Variants in MATK observed in about 807,000 individuals in gnomAD.
MATK encodes the protein megakaryocyte-associated tyrosine kinase.
A neutral mutation model predicts 59.8 loss-of-function variants in MATK; 41 were observed. The ratio of observed to expected loss-of-function variants is 0.69; its 90% confidence interval spans 0.53 to 0.89. The LOEUF (loss-of-function observed/expected upper bound fraction) is 0.89. Among genes scored for constraint, MATK ranks in the 40% least tolerant of loss-of-function variants. MATK has a pLI of 0.00. For missense variants in MATK, 593 were observed against 719.6 expected (o/e 0.82, Z 2.01); for synonymous variants, 308 against 306.1 (o/e 1.01, Z -0.06).
At position 3,779,085 on chromosome 19, in the gene MATK, G is replaced by A. The variant is rs757000023; in HGVS notation, c.1104C>T (p.Val368=). The A allele has an allele frequency of 3.1e-6, 5 of 1,609,722 alleles. No homozygotes were observed. In the Admixed American group the frequency reaches 5.0e-5, roughly 16 times the overall value. Residue 368 remains valine (V), a synonymous_variant, in exon 12 of 14, where the codon GTC becomes GTT. Transcript: ENST00000310132. Reference sequence around the variant, plus strand: ...CGGCTTTGGCCAGGCCAAAGTCGCTGACCTTGGCCACCAGGTCCTCTGAGA... The same window carrying A: ...CGGCTTTGGCCAGGCCAAAGTCGCTAACCTTGGCCACCAGGTCCTCTGAGA... The part of the protein sequence containing the change: ...ILVSEDLVAK[V]SDFGLAKAER...
At chr19:3,785,546 G>T (rs1196235163) in intron 1 of MATK, 1 of 284,446 alleles carries the variant, frequency 3.5e-6, no homozygotes, top group Non-Finnish European at 6.9e-6. Flanking sequence ...GGGCGGTGCT[G>T]GGGGGTGAGT....
At chr19:3,801,181 T>G (rs1211205341) in intron 1 of MATK, among the ~76,000 whole-genome samples, 1 of 152,078 alleles carries the variant, frequency 6.6e-6, no homozygotes, top group African/African-American at 2.4e-5. Context: ...GGAGTGACCG[T>G]TTTCTACCCA....
chr19:3,779,284 C>G, intron 11 of MATK, 94 bp downstream of exon 11: 1 of 1,559,344 alleles, frequency 6.4e-7, no homozygotes. Context: ...GCTCACAAAG[C>G]CTCCCTGCCC....
chr19:3,784,073 G>T (rs999126481), intron 5 of MATK, 40 bp from the exon 6 acceptor site: 16 of 1,581,896 alleles, frequency 1.0e-5, no homozygotes, highest in Admixed American at 1.7e-5. Context: ...GGGCTGTGGA[G>T]GGGGGGTCAC....
intron 6 of MATK, 84 bp downstream of exon 6, chr19:3,783,730 C>T (rs2037433745): frequency 4.6e-6 from 6 of 1,306,234 alleles, no homozygotes; most frequent in South Asian, 2.7e-5. Flanking sequence ...GGTGACCCGC[C>T]CCTCTATCTC....
rs1238686550 is a variant in MATK, at chr19:3,779,196, A to C, written c.1002-9T>G. 1 of 1,574,006 alleles carries C rather than the reference A, an allele frequency of 6.4e-7. No homozygotes were observed. The highest frequency in any genetic ancestry group is 1.8e-5 in the Admixed American group (1 of 56,370). On this transcript the variant is annotated splice_polypyrimidine_tract_variant and intron_variant, in intron 11 of 13. Transcript: ENST00000310132. ...TGCCCTCGGCCACGTGCCTGGGGGT[A>C]GTAGGGGGCAGTGGGGGCTCAGGTG...
chr19:3,784,918 G>A (rs1190674173), intron 2 of MATK, 34 bp from the exon 3 acceptor site: 7 of 1,468,430 alleles, frequency 4.8e-6, no homozygotes, highest in Non-Finnish European at 6.5e-6. Context: ...TGGGAGCTGG[G>A]CTGGGACCCA....
chr19:3,791,936 C>T lies in MATK; in HGVS notation c.-57-2532G>A, dbSNP rs185633221. Reference sequence around the variant, plus strand: ...CAGCCTGGCCAACATGGCAAAACCCCGTCTCTACTAAAAATACAAAAATTA... The same window carrying T: ...CAGCCTGGCCAACATGGCAAAACCCTGTCTCTACTAAAAATACAAAAATTA... On this transcript the variant is annotated intron_variant, in intron 1 of 13. Coordinates refer to the MATK transcript ENST00000395045. Among the ~76,000 whole-genome samples, 578 of 152,090 alleles carry T rather than the reference C, an allele frequency of 3.8e-3. 15 individuals carry two copies. The highest frequency in any genetic ancestry group is 0.035 in the Admixed American group (532 of 15,264).
chr19:3,778,915 C>A, intron 12 of MATK, 77 bp downstream of exon 12: 1 of 1,416,214 alleles, frequency 7.1e-7, no homozygotes, highest in Non-Finnish European at 9.4e-7. Context: ...TCAGAGAGGC[C>A]AAGGGACATA....
chr19:3,782,075 C>G (rs2037409572), intron 7 of MATK, among the ~76,000 whole-genome samples: 1 of 152,172 alleles, frequency 6.6e-6, no homozygotes, highest in African/African-American at 2.4e-5. Context: ...CTCTTTGGCT[C>G]TCTTGTCCCT....
chr19:3,790,301 T>C (rs1599205177), upstream of MATK, among the ~76,000 whole-genome samples: 2 of 152,158 alleles, frequency 1.3e-5, no homozygotes, highest in Non-Finnish European at 2.9e-5. Context: ...CCCCCAGTCC[T>C]GAACTCCCCA....
rs1463770034 is a variant in MATK at position 3,784,164 on chromosome 19, G to A, written c.322C>T (p.Arg108Trp). The A allele has an allele frequency of 4.3e-6, 7 of 1,613,036 alleles. No homozygotes were observed. The highest frequency in any genetic ancestry group is 1.7e-5 in the Admixed American group (1 of 59,944). Residue 108 changes from arginine (R) to tryptophan (W), a missense_variant, in exon 5 of 14, where the codon CGG becomes TGG. Arg to Trp is a moderately radical substitution (Grantham distance 101, BLOSUM62 -3). Transcript: ENST00000310132. ...GLLAAGALRE[R>W]EALSADPKLS... is the part of the protein sequence containing the mutation. ...TTGGGGTCTGCGGAGAGGGCCTCCC[G>A]CTCCCGCAGCGCCCCAGCTGCCAGC...
intron 1 of MATK, among the ~76,000 whole-genome samples, chr19:3,799,848 A>G (rs932334539): frequency 6.4e-5 from 9 of 140,798 alleles, no homozygotes; most frequent in African/African-American, 2.1e-4. Context: ...CTCAAAGAAA[A>G]ATAAGATGTG....
chr19:3,783,030 G>T (rs1239470027), intron 7 of MATK, 96 bp downstream of exon 7: 6 of 1,091,696 alleles, frequency 5.5e-6, no homozygotes, highest in South Asian at 2.6e-5. Flanking sequence ...AGGCTTGGGT[G>T]ATCTGGCCTC....
rs200600761 is a variant in MATK, at chr19:3,783,936, C to T, written c.460G>A (p.Gly154Ser). The T allele has an allele frequency of 5.6e-6, 9 of 1,612,660 alleles. No individual in the cohort carries two copies. Among genetic ancestry groups the T allele is most frequent in the South Asian group, 1.1e-5 (1 of 91,060 alleles). ...AAGCTCACGCACAGGACGTAGTCGC[C>T]GGGGTGGCGCGCGGACTCCCGCACC... ...FLVRESARHPGDYVLCVSFGR... is the reference protein window; with the variant it reads ...FLVRESARHPSDYVLCVSFGR... Residue 154 changes from glycine (G) to serine (S), a missense_variant, in exon 6 of 14, where the codon GGC becomes AGC. Physicochemically the swap from Gly to Ser is moderately conservative, Grantham distance 56 (BLOSUM62 0). Coordinates refer to ENST00000310132, the MANE Select transcript of MATK (RefSeq NM_139355.3).
chr19:3,786,984 G>GTGGGGGCCCCACCC (rs996090098), upstream of MATK, among the ~76,000 whole-genome samples: 1 of 152,030 alleles, frequency 6.6e-6, no homozygotes, highest in Admixed American at 6.5e-5. The surrounding 1 kb of genome is among the most constrained non-coding windows in gnomAD (Gnocchi z 4.1). Flanking sequence ...CATATGGAGG[G>GTGGGGGCCCCACCC]TGGGGGCCCC....
intron 7 of MATK, among the ~76,000 whole-genome samples, chr19:3,782,248 CT>C (rs956288113): frequency 2.5e-4 from 38 of 152,338 alleles, no homozygotes; most frequent in African/African-American, 8.9e-4. Flanking sequence ...GTGTTGTCCC[CT>C]CCACTGCCCT....
At chr19:3,788,779 C>T (rs1033610442), upstream of MATK, among the ~76,000 whole-genome samples, 4 of 151,540 alleles carry the variant, frequency 2.6e-5, no homozygotes, top group Non-Finnish European at 4.4e-5. Flanking sequence ...GCAACCTCTG[C>T]CTCCTGGATT....
chr19:3,795,221 C>T (rs2037582918), intron 1 of MATK, among the ~76,000 whole-genome samples: 4 of 151,314 alleles, frequency 2.6e-5, no homozygotes, highest in Admixed American at 2.6e-4. Flanking sequence ...TCGTGATCCG[C>T]CCACCTCGGC....
Sources: gnomAD v4.1 joint callset for allele counts (sites outside exome capture counted in the v4.1 genomes callset) on GRCh38, gnomAD v4.1.1 for gene constraint, Gnocchi (gnomAD v3.1) non-coding constraint, MANE v1.5 for transcripts, NCBI Gene and HGNC (gene_info 2026-07-23, HGNC 2026-07-21) for gene names.